Variants in PLXNA1 observed in about 807,000 individuals in gnomAD.
PLXNA1 encodes plexin A1.
PLXNA1 carries 77 observed loss-of-function variants against 191.7 expected under a neutral mutation model. That is an observed-to-expected ratio of 0.40 (90% CI 0.33 to 0.49). The LOEUF is 0.49. Ranked by LOEUF, PLXNA1 falls within the 20% of genes least tolerant of loss-of-function variation. PLXNA1 has a pLI of 0.63. For missense variants in PLXNA1, 2,110 were observed against 2,660.2 expected (o/e 0.79, Z 4.55); for synonymous variants, 1,137 against 1,156.4 (o/e 0.98, Z 0.34).
intron 29 of PLXNA1, among the ~76,000 whole-genome samples, chr3:127,030,803 T>C (rs948522828): frequency 1.1e-4 from 16 of 152,156 alleles, no homozygotes; most frequent in South Asian, 2.1e-4. Context: ...TGGTAGTCTT[T>C]AGTGCGAGGA....
chr3:126,994,442 C>T, intron 3 of PLXNA1, among the ~76,000 whole-genome samples: 1 of 152,166 alleles, frequency 6.6e-6, no homozygotes, highest in East Asian at 1.9e-4. Flanking sequence ...CCTTCAAAGC[C>T]TAACTTCCCA....
Position 127,005,132 on chromosome 3 carries a change from G to T in PLXNA1, c.1786G>T (p.Val596Phe). 6.2e-7 allele frequency: 1 copy of T among 1,612,762 alleles called. No individual in the cohort carries two copies. Among genetic ancestry groups the T allele is most frequent in the Non-Finnish European group, 8.5e-7 (1 of 1,179,934 alleles). The change falls in exon 7 of 32, where the codon GTC becomes TTC. Residue 596 changes from valine (V) to phenylalanine (F), a missense_variant. Val to Phe is a conservative substitution (Grantham distance 50). This residue lies in a region of PLXNA1 where 903 missense variants were observed against 1,015.7 expected (regional missense o/e 0.89). Coordinates refer to ENST00000393409, the MANE Select transcript of PLXNA1 (RefSeq NM_032242.4). ...GAACGTGCCTGACCTCTCAGCTGGC[G>T]TCAACTGCTCCTTCGAGGACTTCAC... ...AWNVPDLSAGVNCSFEDFTES... is the reference protein window; with the variant it reads ...AWNVPDLSAGFNCSFEDFTES...
At position 127,028,983 on chromosome 3, in the gene PLXNA1, C is replaced by A. The variant is rs141727345; in HGVS notation, c.4670-10C>A. On this transcript the variant is annotated splice_polypyrimidine_tract_variant and intron_variant, in intron 25 of 31. Transcript: ENST00000393409. ...CAGCGGCCCCACCCTCCAGCTCCCT[C>A]CTCCCCCAGAGTGGCGCCAGGGCCG... 1,268 of 1,609,622 alleles carry A rather than the reference C, an allele frequency of 7.9e-4. 18 individuals are homozygous for A. In the East Asian group the frequency reaches 0.021, roughly 27 times the overall value.
chr3:127,028,366 C>A, intron 25 of PLXNA1, 26 bp downstream of exon 25: 2 of 1,598,684 alleles, frequency 1.3e-6, no homozygotes, highest in Non-Finnish European at 1.7e-6. Context: ...CACGGCTGCC[C>A]GGGGTGTGTG....
At position 127,004,626 on chromosome 3, in the gene PLXNA1, G is replaced by C; in HGVS notation, c.1534G>C (p.Val512Leu). The C allele has an allele frequency of 4.4e-6, 7 of 1,575,450 alleles. No homozygotes were observed. The highest frequency in any genetic ancestry group is 6.0e-6 in the Non-Finnish European group (7 of 1,160,472). ...CCCACACCAGGTGACGCGGGTGCCT[G>C]TGGAGAGCTGTGTGCAGTACACGTC... ...MTEKQVTRVP[V>L]ESCVQYTSCE... is the part of the protein sequence containing the mutation. The change falls in exon 5 of 32, where the codon GTG (valine) becomes CTG (leucine). Residue 512 changes from valine (V) to leucine (L), a missense_variant. By Grantham distance (32) the Val-to-Leu change is conservative (BLOSUM62 1). This residue lies in a region of PLXNA1 where 903 missense variants were observed against 1,015.7 expected (regional missense o/e 0.89). Transcript: ENST00000393409.
intron 12 of PLXNA1, 46 bp from the exon 13 acceptor site, chr3:127,014,432 C>A (rs959983698): frequency 1.3e-6 from 2 of 1,584,018 alleles, no homozygotes; most frequent in Admixed American, 3.4e-5. Context: ...CACCGCACAC[C>A]CTACGCCCTG....
chr3:126,997,308 T>C (rs2079019067), intron 3 of PLXNA1, among the ~76,000 whole-genome samples: 1 of 152,188 alleles, frequency 6.6e-6, no homozygotes, highest in Admixed American at 6.5e-5. Flanking sequence ...GCCTCTGTTG[T>C]TGTTCTGCCT....
Position 127,014,339 on chromosome 3 carries a change from C to A in PLXNA1, c.2568C>A (p.His856Gln). ...DTPASWMHARHGSSRCTDPKI... is the reference protein window; with the variant it reads ...DTPASWMHARQGSSRCTDPKI... ...CTGCATCGTGGATGCACGCGCGTCA[C>A]GGCAGCAGTCGCTGCACCGACCCCA... The change falls in exon 12 of 32, where the codon CAC becomes CAA. Residue 856 changes from histidine to glutamine, a missense_variant. Around this residue, in one of 4 missense-constraint regions of PLXNA1, gnomAD observed 644 missense variants for 714.3 expected, o/e 0.90. Transcript: ENST00000393409. The A allele has an allele frequency of 6.3e-7, 1 of 1,595,702 alleles. No individual in the cohort carries two copies. The highest frequency in any genetic ancestry group is 8.5e-7 in the Non-Finnish European group (1 of 1,176,974).
rs1559969634 is a variant in PLXNA1 at position 127,037,141 on chromosome 3, A to G, written c.*3124A>G. On this transcript the variant is annotated 3_prime_UTR_variant, in exon 32 of 32. Coordinates refer to ENST00000393409, the MANE Select transcript of PLXNA1 (RefSeq NM_032242.4). The stretch of plus-strand genomic sequence containing the variant: ...AATAGATATATTTAGAGAGAGAGAT[A>G]TTTTTAAGACAAAGCCCACAATTAG... The G allele has an allele frequency of 1.3e-5, 2 of 152,714 alleles. No individual in the cohort carries two copies. The highest frequency in any genetic ancestry group is 3.9e-4 in the East Asian group (2 of 5,182). The allele number at this position is 152,714 out of a possible 1,614,324, so 9.5% of individuals were successfully genotyped here. A position where few individuals can be genotyped will look rare whatever the true frequency, so the allele number is the denominator to read the frequency against.
In PLXNA1 at chr3:127,036,709, T is replaced by C. The variant is rs55773153; in HGVS notation, c.*2692T>C. On this transcript the variant is annotated 3_prime_UTR_variant, in exon 32 of 32. Coordinates refer to ENST00000393409, the MANE Select transcript of PLXNA1 (RefSeq NM_032242.4). ...GAGGCCGTTCTGTGCCCAGCAGCGGTGAGCGGCTCCCATGGGCCCTGTGTC... is the reference window on the plus strand; with the variant it reads ...GAGGCCGTTCTGTGCCCAGCAGCGGCGAGCGGCTCCCATGGGCCCTGTGTC... 1,104 of 152,356 alleles carry C rather than the reference T, an allele frequency of 7.2e-3. 9 individuals are homozygous for C. Among genetic ancestry groups the C allele is most frequent in the Non-Finnish European group, 0.012 (799 of 68,056 alleles). 9.4% of individuals were successfully genotyped at this position (152,356 alleles called of 1,614,324 possible).
At position 127,022,308 on chromosome 3, in the gene PLXNA1, A is replaced by G; in HGVS notation, c.4262A>G (p.Glu1421Gly). 1.8e-5 allele frequency: 29 copies of G among 1,612,638 alleles called. No individual in the cohort carries two copies. Among genetic ancestry groups the G allele is most frequent in the Non-Finnish European group, 2.4e-5 (28 of 1,179,198 alleles). The part of the protein sequence containing the change: ...LLSDLIEKNL[E>G]SKNHPKLLLR... ...TCCGACCTCATCGAGAAGAACCTGG[A>G]GAGCAAGAACCACCCCAAGCTGCTA... Residue 1421 changes from glutamate (E) to glycine (G), a missense_variant, in exon 22 of 32, where the codon GAG (glutamate) becomes GGG (glycine). Coordinates refer to ENST00000393409, the MANE Select transcript of PLXNA1 (RefSeq NM_032242.4).
chr3:127,005,395 G>A (rs2079061660), intron 7 of PLXNA1, 152 bp downstream of exon 7: 1 of 1,039,694 alleles, frequency 9.6e-7, no homozygotes, highest in Non-Finnish European at 1.4e-6. Flanking sequence ...ACCACCTGCT[G>A]GTCTGGGAGT....
rs556138196 is a variant in PLXNA1 at position 127,034,740 on chromosome 3, C to T, written c.*723C>T. 144 of 152,838 alleles carry T rather than the reference C, an allele frequency of 9.4e-4. 1 individual carries two copies. Among genetic ancestry groups the T allele is most frequent in the Non-Finnish European group, 1.7e-3 (119 of 68,070 alleles). 9.5% of individuals were successfully genotyped at this position (152,838 alleles called of 1,614,324 possible). On this transcript the variant is annotated 3_prime_UTR_variant, in exon 32 of 32. Transcript: ENST00000393409. The stretch of plus-strand genomic sequence containing the variant: ...CTCAGACTCCTGGGTGGCTTCCAGA[C>T]GGACCGGGCAGCCCCTCTCCGTCCT...
intron 23 of PLXNA1, chr3:127,026,862 T>A (rs2079179002): frequency 6.6e-6 from 1 of 152,496 alleles, no homozygotes; most frequent in Non-Finnish European, 1.5e-5. Flanking sequence ...TGGGCGGGCC[T>A]CGCCTGTGTG....
At chr3:126,985,571 C>T (rs983160841) in intron 1 of PLXNA1, among the ~76,000 whole-genome samples, 8 of 152,180 alleles carry the variant, frequency 5.3e-5, no homozygotes, top group Non-Finnish European at 1.0e-4. Context: ...AGGCCTTTCC[C>T]CGGCCACAGT....
intron 20 of PLXNA1, 35 bp downstream of exon 20, chr3:127,018,563 C>T (rs747823263): frequency 2.8e-5 from 43 of 1,539,786 alleles, no homozygotes; most frequent in Non-Finnish European, 3.8e-5. Flanking sequence ...GGGCAACTGC[C>T]ACCTCCGAGC....
intron 9 of PLXNA1, among the ~76,000 whole-genome samples, chr3:127,010,854 C>T (rs1468019743): frequency 6.6e-6 from 1 of 152,220 alleles, no homozygotes; most frequent in African/African-American, 2.4e-5. Context: ...TGCCTGGGCT[C>T]CTCTGGGCAT....
At position 127,014,127 on chromosome 3, in the gene PLXNA1, G is replaced by T; in HGVS notation, c.2410+11G>T. The T allele has an allele frequency of 6.2e-7, 1 of 1,613,392 alleles. No homozygotes were observed. The highest frequency in any genetic ancestry group is 1.1e-5 in the South Asian group (1 of 91,086). Reference sequence around the variant, plus strand: ...CACAGAACATCCAGGGTGAGTGGGCGCCCCGGCGGGGTGGGCAGTGGGCGG... The same window carrying T: ...CACAGAACATCCAGGGTGAGTGGGCTCCCCGGCGGGGTGGGCAGTGGGCGG... On this transcript the variant is annotated intron_variant, in intron 11 of 31. Transcript: ENST00000393409.
chr3:127,014,820 T>C lies in PLXNA1; in HGVS notation c.2866T>C (p.Phe956Leu), dbSNP rs2107632100. 6.2e-7 allele frequency: 1 copy of C among 1,612,262 alleles called. No homozygotes were observed. The highest frequency in any genetic ancestry group is 8.5e-7 in the Non-Finnish European group (1 of 1,179,734). The stretch of plus-strand genomic sequence containing the variant: ...CTACCGCGCCCTGTCACCCAAGCGC[T>C]TCACCTTCGTGGTGAGTCTGCTGCC... ...PHYRALSPKR[F>L]TFVTPTFYRV... The change falls in exon 14 of 32, where the codon TTC (phenylalanine) becomes CTC (leucine). Residue 956 changes from phenylalanine (F) to leucine (L), a missense_variant. By Grantham distance (22) the Phe-to-Leu change is conservative. Around this residue, in one of 4 missense-constraint regions of PLXNA1, gnomAD observed 644 missense variants for 714.3 expected, o/e 0.90. Coordinates refer to ENST00000393409, the MANE Select transcript of PLXNA1 (RefSeq NM_032242.4).
Sources: allele counts gnomAD v4.1 joint callset (sites outside exome capture counted in the v4.1 genomes callset), GRCh38; gene constraint gnomAD v4.1.1; regional missense constraint gnomAD v4.1.1; transcripts MANE v1.5; gene names NCBI Gene and HGNC (gene_info 2026-07-23, HGNC 2026-07-21).